AGFG1: variants seen among roughly 807,000 people sequenced by gnomAD.
AGFG1 encodes the protein arf-GAP domain and FG repeat-containing protein 1.
A neutral mutation model predicts 60.6 loss-of-function variants in AGFG1; 10 were observed. The observed-to-expected ratio is 0.16, with a 90% CI of 0.10 to 0.28. The LOEUF is 0.28. Among genes scored for constraint, AGFG1 ranks in the 10% least tolerant of loss-of-function variants. The pLI, the probability that AGFG1 is intolerant of heterozygous loss-of-function variation, is 1.00. For missense variants in AGFG1, 537 were observed against 676.5 expected (o/e 0.79, Z 2.29); for synonymous variants, 247 against 242.9 (o/e 1.02, Z -0.16).
intron 1 of AGFG1, among the ~76,000 whole-genome samples, chr2:227,486,095 TC>T (rs1690627921): frequency 6.6e-6 from 1 of 152,126 alleles, no homozygotes; most frequent in South Asian, 2.1e-4. Context: ...TTATTTCCCA[TC>T]CAGGGTCTTA....
At chr2:227,549,837 TA>T (rs1024697218) in intron 10 of AGFG1, among the ~76,000 whole-genome samples, 8 of 152,246 alleles carry the variant, frequency 5.3e-5, no homozygotes, top group Non-Finnish European at 7.3e-5. Flanking sequence ...TTTATTATTC[TA>T]ATCTCCCCTT....
chr2:227,476,514 G>C (rs980802760), intron 1 of AGFG1, among the ~76,000 whole-genome samples: 1 of 152,176 alleles, frequency 6.6e-6, no homozygotes, highest in South Asian at 2.1e-4. Flanking sequence ...GAAAGAGGTT[G>C]CCACTTTAAT....
Position 227,534,863 on chromosome 2 carries a change from G to T in AGFG1, c.1043G>T (p.Gly348Val). The change falls in exon 8 of 13, where the codon GGC (glycine) becomes GTC (valine). Residue 348 changes from glycine to valine, a missense_variant. Coordinates refer to ENST00000310078, the MANE Select transcript of AGFG1 (RefSeq NM_004504.5). ...SAGQGGDQGSGFGTTGKAPVG... is the reference protein window; with the variant it reads ...SAGQGGDQGSVFGTTGKAPVG... Reference sequence around the variant, plus strand: ...TTCCCAGGTGGTGATCAGGGAAGTGGCTTTGGGACCACAGGTAAAGCTCCT... The same window carrying T: ...TTCCCAGGTGGTGATCAGGGAAGTGTCTTTGGGACCACAGGTAAAGCTCCT... The T allele has an allele frequency of 1.2e-6, 2 of 1,613,652 alleles. No individual in the cohort carries two copies. Among genetic ancestry groups the T allele is most frequent in the Non-Finnish European group, 1.7e-6 (2 of 1,179,734 alleles).
At chr2:227,532,351 T>G (rs1408029257) in intron 6 of AGFG1, 1 of 549,470 alleles carries the variant, frequency 1.8e-6, no homozygotes, top group East Asian at 3.4e-5. Flanking sequence ...TTTATTAAAC[T>G]CAGAGTTAGA....
intron 2 of AGFG1, among the ~76,000 whole-genome samples, chr2:227,501,799 G>GT (rs1015590374): frequency 2.0e-5 from 3 of 151,918 alleles, no homozygotes; most frequent in Non-Finnish European, 2.9e-5. Flanking sequence ...GCACTGTTTT[G>GT]TTTTTTTATT....
intron 10 of AGFG1, among the ~76,000 whole-genome samples, chr2:227,546,995 A>T (rs1280396343): frequency 6.6e-6 from 1 of 152,210 alleles, no homozygotes; most frequent in Admixed American, 6.5e-5. Flanking sequence ...AAGATTAATG[A>T]ATTTGCCTTA....
At chr2:227,547,865 CAT>C (rs1296621766) in intron 10 of AGFG1, among the ~76,000 whole-genome samples, 1 of 152,152 alleles carries the variant, frequency 6.6e-6, no homozygotes, top group Non-Finnish European at 1.5e-5. Context: ...GGAATGAAAA[CAT>C]AGATCTGCAC....
In AGFG1 at chr2:227,558,846, GAGAT is replaced by G. The variant is rs1334868428; in HGVS notation, c.*4354_*4357del. 2.0e-5 allele frequency: 3 copies of G among 152,188 alleles called. No homozygotes were observed. Among genetic ancestry groups the G allele is most frequent in the Non-Finnish European group, 4.4e-5 (3 of 68,030 alleles). 9.4% of individuals were successfully genotyped at this position (152,188 alleles called of 1,614,324 possible). ...TGTCATTAAATGCAGTTTGATGAAA[GAGAT>G]AGCCAACCAGTGGCTTTCCCAAGCC... On this transcript the variant is annotated 3_prime_UTR_variant, in exon 13 of 13. Transcript: ENST00000310078.
At chr2:227,518,216 G>T (rs980844277) in intron 2 of AGFG1, among the ~76,000 whole-genome samples, 1 of 152,100 alleles carries the variant, frequency 6.6e-6, no homozygotes. Flanking sequence ...GAACAATTGG[G>T]TGATTTCCAG....
chr2:227,477,493 G>C, intron 1 of AGFG1, among the ~76,000 whole-genome samples: 1 of 152,300 alleles, frequency 6.6e-6, no homozygotes, highest in Middle Eastern at 3.4e-3. Context: ...CACCACCAAA[G>C]AATGTATGGT....
At chr2:227,498,218 G>T (rs1691043624) in intron 2 of AGFG1, among the ~76,000 whole-genome samples, 1 of 152,036 alleles carries the variant, frequency 6.6e-6, no homozygotes, top group Non-Finnish European at 1.5e-5. Flanking sequence ...TACTTTTCCA[G>T]TTGATTCCTA....
chr2:227,494,654 A>C (rs960388629), intron 2 of AGFG1, among the ~76,000 whole-genome samples: 2 of 152,274 alleles, frequency 1.3e-5, no homozygotes, highest in Non-Finnish European at 2.9e-5. Context: ...TGTGTTGAAC[A>C]GAATTAACCT....
chr2:227,508,128 C>G (rs1482019794), intron 2 of AGFG1: 2 of 152,154 alleles, frequency 1.3e-5, no homozygotes, highest in African/African-American at 4.8e-5. Context: ...ACTTCAGGGG[C>G]TTGTTTTGAA....
At chr2:227,506,868 G>A (rs1191829528) in intron 2 of AGFG1, among the ~76,000 whole-genome samples, 1 of 152,122 alleles carries the variant, frequency 6.6e-6, no homozygotes, top group Non-Finnish European at 1.5e-5. Flanking sequence ...CATCCACGTA[G>A]TGTCAACGTT....
chr2:227,528,378 C>G (rs1357951114), intron 5 of AGFG1, among the ~76,000 whole-genome samples: 3 of 152,118 alleles, frequency 2.0e-5, no homozygotes, highest in East Asian at 3.9e-4. Context: ...CCTGTGTTAC[C>G]TGAGCTGCAA....
At chr2:227,540,850 A>C (rs1012786309) in intron 10 of AGFG1, among the ~76,000 whole-genome samples, 4 of 152,160 alleles carry the variant, frequency 2.6e-5, no homozygotes, top group Non-Finnish European at 5.9e-5. Context: ...CATCCTCTCC[A>C]GCATCTGTTG....
chr2:227,549,171 C>T (rs986776361), intron 10 of AGFG1, among the ~76,000 whole-genome samples: 2 of 152,150 alleles, frequency 1.3e-5, no homozygotes, highest in African/African-American at 4.8e-5. Context: ...CCCTCCACCT[C>T]ATTTGCAAAT....
chr2:227,518,936 G>A (rs1276367886), intron 2 of AGFG1, among the ~76,000 whole-genome samples: 1 of 152,146 alleles, frequency 6.6e-6, no homozygotes, highest in East Asian at 1.9e-4. Flanking sequence ...ACTTTGGGAG[G>A]CTGAGGCGGG....
intron 1 of AGFG1, 34 bp downstream of exon 1, chr2:227,472,622 C>G (rs756206222): frequency 1.9e-6 from 3 of 1,543,932 alleles, no homozygotes; most frequent in South Asian, 2.3e-5. Context: ...GTGTCGGGCC[C>G]TTCCCGGGAG....
Sources: gnomAD v4.1 joint callset for allele counts (sites outside exome capture counted in the v4.1 genomes callset) on GRCh38, gnomAD v4.1.1 for gene constraint, MANE v1.5 for transcripts, NCBI Gene and HGNC (gene_info 2026-07-23, HGNC 2026-07-21) for gene names.